GIPC3: variants seen among roughly 807,000 people sequenced by gnomAD.
GIPC3 encodes the protein GIPC PDZ domain containing family member 3.
In GIPC3, 16 loss-of-function variants were observed where a neutral mutation model predicts 27.3. The ratio of observed to expected loss-of-function variants is 0.59; its 90% CI spans 0.40 to 0.89. The LOEUF (loss-of-function observed/expected upper bound fraction) is 0.89, where lower values mean the gene tolerates loss of function less well. Ranked by LOEUF, GIPC3 falls within the 40% of genes least tolerant of loss-of-function variation. The pLI is 0.00. For missense variants in GIPC3, 440 were observed against 442.1 expected (o/e 1.00, Z 0.04); for synonymous variants, 194 against 184.6 (o/e 1.05, Z -0.41).
In GIPC3 at chr19:3,586,700, C is replaced by T. The variant is rs781520349; in HGVS notation, c.411+20C>T. 1 of 427,768 alleles carries T rather than the reference C, an allele frequency of 2.3e-6. No individual in the cohort carries two copies. Among genetic ancestry groups the T allele is most frequent in the Non-Finnish European group, 4.3e-6 (1 of 231,092 alleles). 26.5% of individuals were successfully genotyped at this position (427,768 alleles called of 1,614,324 possible). A position where few individuals can be genotyped will look rare whatever the true frequency, so the allele number is the denominator to read the frequency against. On this transcript the variant is annotated intron_variant, in intron 2 of 5. Coordinates refer to ENST00000644452, the MANE Select transcript of GIPC3 (RefSeq NM_133261.3). ...ATCAAGGTGCCCGGGAGGGGGTGGG[C>T]GGGTGGCTTCCTGGGGTCCAGCAAC...
At position 3,590,051 on chromosome 19, in the gene GIPC3, TG is replaced by T. The variant is rs776126285; in HGVS notation, c.802del (p.Glu268ArgfsTer16). The part of the protein sequence containing the change: ...IRDPELASTM[V>X]ETSKKTASAQ... ...GCACGGCCCGCAGCGTCCACCATGG[TG>T]GAGACGTCCAAGAAGACAGCGAGCG... On this transcript the variant is annotated frameshift_variant, in exon 6 of 6. Coordinates refer to ENST00000644452, the MANE Select transcript of GIPC3 (RefSeq NM_133261.3). LOFTEE classifies it high-confidence loss of function. 6.2e-7 allele frequency: 1 copy of T among 1,612,362 alleles called. No homozygotes were observed. Among genetic ancestry groups the T allele is most frequent in the South Asian group, 1.1e-5 (1 of 90,952 alleles).
At position 3,591,895 on chromosome 19, in the gene GIPC3, G is replaced by T; in HGVS notation, c.*1705G>T. 1.6e-6 allele frequency: 2 copies of T among 1,232,388 alleles called. No homozygotes were observed. Among genetic ancestry groups the T allele is most frequent in the South Asian group, 4.1e-5 (1 of 24,314 alleles). 76.3% of individuals were successfully genotyped at this position (1,232,388 alleles called of 1,614,324 possible). On this transcript the variant is annotated 3_prime_UTR_variant, in exon 6 of 6. Coordinates refer to ENST00000644452, the MANE Select transcript of GIPC3 (RefSeq NM_133261.3). ...CCTTGCACAATGCAGCTCAGCTCTA[G>T]AATGCAGTTTACTTCCAGGACCCAG...
rs1028978074 is a variant in GIPC3 at position 3,593,092 on chromosome 19, C to T, written c.*2902C>T. Reference sequence around the variant, plus strand: ...CCACAGTCACAGGTCTCCTCAACCCCCCAGAAGCCAGCCGTCTCTCCCAAG... The same window carrying T: ...CCACAGTCACAGGTCTCCTCAACCCTCCAGAAGCCAGCCGTCTCTCCCAAG... On this transcript the variant is annotated 3_prime_UTR_variant, in exon 6 of 6. Transcript: ENST00000644452. 8.1e-7 allele frequency: 1 copy of T among 1,232,932 alleles called. No individual in the cohort carries two copies. Among genetic ancestry groups the T allele is most frequent in the Non-Finnish European group, 1.0e-6 (1 of 988,654 alleles). The allele number at this position is 1,232,932 out of a possible 1,614,324, so 76.4% of individuals were successfully genotyped here.
Position 3,590,737 on chromosome 19 carries a change from G to C in GIPC3, c.*547G>C. 9.5e-7 allele frequency: 1 copy of C among 1,049,490 alleles called. No individual in the cohort carries two copies. Among genetic ancestry groups the C allele is most frequent in the Non-Finnish European group, 1.2e-6 (1 of 817,702 alleles). 65.0% of individuals were successfully genotyped at this position (1,049,490 alleles called of 1,614,324 possible). On this transcript the variant is annotated 3_prime_UTR_variant, in exon 6 of 6. Coordinates refer to ENST00000644452, the MANE Select transcript of GIPC3 (RefSeq NM_133261.3). ...CAGATGGGCTCTGAGACCATGCCCA[G>C]CTCTAGAACTCAGATGGGCTCTGAG...
Position 3,593,104 on chromosome 19 carries a change from C to T in GIPC3, c.*2914C>T. 8.1e-7 allele frequency: 1 copy of T among 1,232,632 alleles called. No homozygotes were observed. 76.4% of individuals were successfully genotyped at this position (1,232,632 alleles called of 1,614,324 possible). On this transcript the variant is annotated 3_prime_UTR_variant, in exon 6 of 6. Coordinates refer to ENST00000644452, the MANE Select transcript of GIPC3 (RefSeq NM_133261.3). ...GTCTCCTCAACCCCCCAGAAGCCAGCCGTCTCTCCCAAGCCCCGGGTGGGA... is the reference window on the plus strand; with the variant it reads ...GTCTCCTCAACCCCCCAGAAGCCAGTCGTCTCTCCCAAGCCCCGGGTGGGA...
In GIPC3 at chr19:3,590,298, C is replaced by G. The variant is rs776256754; in HGVS notation, c.*108C>G. 1.5e-5 allele frequency: 22 copies of G among 1,475,790 alleles called. No homozygotes were observed. The highest frequency in any genetic ancestry group is 2.4e-5 in the Admixed American group (1 of 42,460). The allele number at this position is 1,475,790 out of a possible 1,614,324, so 91.4% of individuals were successfully genotyped here. A position where few individuals can be genotyped will look rare whatever the true frequency, so the allele number is the denominator to read the frequency against. ...GGAGGACAAGTTCCTCTCTAGAACC[C>G]AATCCAATTTGGAGCCCCAGCCCAA... On this transcript the variant is annotated 3_prime_UTR_variant, in exon 6 of 6. Coordinates refer to ENST00000644452, the MANE Select transcript of GIPC3 (RefSeq NM_133261.3).
In GIPC3 at chr19:3,589,883, G is replaced by T. The variant is rs1483245731; in HGVS notation, c.758G>T (p.Ser253Ile). 5.0e-6 allele frequency: 8 copies of T among 1,613,822 alleles called. No homozygotes were observed. The highest frequency in any genetic ancestry group is 1.3e-5 in the African/African-American group (1 of 74,926). The change falls in exon 5 of 6, where the codon AGC becomes ATC. Residue 253 changes from serine (S) to isoleucine (I), a missense_variant. Ser to Ile is a moderately radical substitution (Grantham distance 142). Coordinates refer to ENST00000644452, the MANE Select transcript of GIPC3 (RefSeq NM_133261.3). ...CGGAAGGTTGATGACCTGCTGGAAA[G>T]CTACATGGGCATTCGGGACCCCGAG... ...ASRKVDDLLE[S>I]YMGIRDPELA...
chr19:3,591,893 T>G lies in GIPC3; in HGVS notation c.*1703T>G. 8.1e-7 allele frequency: 1 copy of G among 1,232,354 alleles called. No individual in the cohort carries two copies. Among genetic ancestry groups the G allele is most frequent in the Non-Finnish European group, 1.0e-6 (1 of 988,248 alleles). 76.3% of individuals were successfully genotyped at this position (1,232,354 alleles called of 1,614,324 possible). A position where few individuals can be genotyped will look rare whatever the true frequency, so the allele number is the denominator to read the frequency against. ...CTCCTTGCACAATGCAGCTCAGCTCTAGAATGCAGTTTACTTCCAGGACCC... is the reference window on the plus strand; with the variant it reads ...CTCCTTGCACAATGCAGCTCAGCTCGAGAATGCAGTTTACTTCCAGGACCC... On this transcript the variant is annotated 3_prime_UTR_variant, in exon 6 of 6. Transcript: ENST00000644452.
rs1339915815 is a variant in GIPC3, at chr19:3,593,023, GC to G, written c.*2835del. The G allele has an allele frequency of 9.1e-7, 1 of 1,101,020 alleles. No individual in the cohort carries two copies. The highest frequency in any genetic ancestry group is 1.7e-5 in the African/African-American group (1 of 57,374). The allele number at this position is 1,101,020 out of a possible 1,614,324, so 68.2% of individuals were successfully genotyped here. A position where few individuals can be genotyped will look rare whatever the true frequency, so the allele number is the denominator to read the frequency against. On this transcript the variant is annotated 3_prime_UTR_variant, in exon 6 of 6. Transcript: ENST00000644452. Reference sequence around the variant, plus strand: ...GATCAGGTATGTGGCATCCAGGCCAGCCTTGGCCCCATCCCAGGCTTACCCC... The same window carrying G: ...GATCAGGTATGTGGCATCCAGGCCAGCTTGGCCCCATCCCAGGCTTACCCC...
chr19:3,590,282 G>A lies in GIPC3; in HGVS notation c.*92G>A. On this transcript the variant is annotated 3_prime_UTR_variant, in exon 6 of 6. Coordinates refer to ENST00000644452, the MANE Select transcript of GIPC3 (RefSeq NM_133261.3). The stretch of plus-strand genomic sequence containing the variant: ...GAACCCAGCCCAGATCGGAGGACAA[G>A]TTCCTCTCTAGAACCCAATCCAATT... The A allele has an allele frequency of 1.3e-6, 2 of 1,503,224 alleles. No individual in the cohort carries two copies. The highest frequency in any genetic ancestry group is 1.8e-6 in the Non-Finnish European group (2 of 1,124,628). The allele number at this position is 1,503,224 out of a possible 1,614,324, so 93.1% of individuals were successfully genotyped here.
intron 2 of GIPC3, 42 bp downstream of exon 2, chr19:3,586,722 C>T (rs1223136938): frequency 6.2e-7 from 1 of 1,609,262 alleles, no homozygotes; most frequent in Admixed American, 1.7e-5. Flanking sequence ...TGGGGTCCAG[C>T]AACTGCCCCC....
chr19:3,588,640 C>CAAAAAAAA (rs969668918), intron 3 of GIPC3, among the ~76,000 whole-genome samples: 2 of 74,004 alleles, frequency 2.7e-5, no homozygotes, highest in African/African-American at 9.2e-5. Flanking sequence ...TCCATCGTAT[C>CAAAAAAAA]AAAAAAAAAA....
At chr19:3,588,606 G>A (rs1289004279) in intron 3 of GIPC3, among the ~76,000 whole-genome samples, 1 of 148,120 alleles carries the variant, frequency 6.8e-6, no homozygotes. Flanking sequence ...GGCCAAGGCA[G>A]GTGGATCACC....
At position 3,586,649 on chromosome 19, in the gene GIPC3, C is replaced by T. The variant is rs1017753310; in HGVS notation, c.380C>T (p.Thr127Met). 3 of 1,519,612 alleles carry T rather than the reference C, an allele frequency of 2.0e-6. No individual in the cohort carries two copies. Among genetic ancestry groups the T allele is most frequent in the African/African-American group, 2.9e-5 (2 of 68,814 alleles). 94.1% of individuals were successfully genotyped at this position (1,519,612 alleles called of 1,614,324 possible). ...KTEDALGLTI[T>M]DNGAGYAFIK... ...GAGGATGCTCTGGGGCTGACCATCA[C>T]GGACAACGGGGCTGGCTACGCCTTC... is the stretch of plus-strand genomic sequence containing the variant. The change falls in exon 2 of 6, where the codon ACG (threonine) becomes ATG (methionine). Residue 127 changes from threonine to methionine, a missense_variant. Physicochemically the swap from Thr to Met is moderately conservative, Grantham distance 81 (BLOSUM62 -1). Transcript: ENST00000644452.
Position 3,586,981 on chromosome 19 carries a change from C to T in GIPC3, c.579C>T (p.Pro193=). ...SQPFTLRLVQ[P]KRAFDMIGQR... ...CCTTCACCCTGCGCCTGGTGCAGCC[C>T]AAGAGGGCCTTCGGTGAGGCGGGTG... The change falls in exon 3 of 6, where the codon CCC becomes CCT. Residue 193 remains proline (P), a synonymous_variant. Coordinates refer to ENST00000644452, the MANE Select transcript of GIPC3 (RefSeq NM_133261.3). The T allele has an allele frequency of 6.2e-7, 1 of 1,612,508 alleles. No homozygotes were observed. Among genetic ancestry groups the T allele is most frequent in the Non-Finnish European group, 8.5e-7 (1 of 1,179,768 alleles).
At chr19:3,589,010 C>T (rs1178177656) in intron 3 of GIPC3, among the ~76,000 whole-genome samples, 1 of 151,712 alleles carries the variant, frequency 6.6e-6, no homozygotes, top group Non-Finnish European at 1.5e-5. Context: ...GGCCAGCTCT[C>T]AGACCAAGCC....
rs1254014397 is a variant in GIPC3 at position 3,590,217 on chromosome 19, C to T, written c.*27C>T. On this transcript the variant is annotated 3_prime_UTR_variant, in exon 6 of 6. Coordinates refer to ENST00000644452, the MANE Select transcript of GIPC3 (RefSeq NM_133261.3). ...TTGCCCTGGGGGGGCCCAGCACAGC[C>T]CCAGCCCGGAGCCCAGCCCCCTGCC... 1 of 1,565,806 alleles carries T rather than the reference C, an allele frequency of 6.4e-7. No individual in the cohort carries two copies. Among genetic ancestry groups the T allele is most frequent in the East Asian group, 2.3e-5 (1 of 42,562 alleles).
At chr19:3,585,962 C>A in intron 1 of GIPC3, 140 bp downstream of exon 1, 1 of 1,400,470 alleles carries the variant, frequency 7.1e-7, no homozygotes, top group Non-Finnish European at 9.5e-7. Context: ...TCTCAGAGAC[C>A]CAGCCCTCAG....
intron 3 of GIPC3, 146 bp downstream of exon 3, chr19:3,587,140 C>A: frequency 1.5e-6 from 1 of 680,858 alleles, no homozygotes; most frequent in African/African-American, 1.8e-5. Flanking sequence ...ATCAGAAACT[C>A]GTAGGTAGTT....
Sources: gnomAD v4.1 joint callset for allele counts (sites outside exome capture counted in the v4.1 genomes callset) on GRCh38, gnomAD v4.1.1 for gene constraint, MANE v1.5 for transcripts, NCBI Gene and HGNC (gene_info 2026-07-23, HGNC 2026-07-21) for gene names.